The following METTL8 variants were observed in gnomAD, a reference collection of about 807,000 sequenced individuals.
METTL8 encodes the protein methyltransferase 8, tRNA N3-cytidine, also known as tRNA N(3)-cytidine methyltransferase METTL8, mitochondrial.
Under a neutral mutation model 48.7 loss-of-function variants are expected in METTL8, and 32 were observed. The observed-to-expected ratio is 0.66, with a 90% CI of 0.50 to 0.88. The LOEUF (loss-of-function observed/expected upper bound fraction) is 0.88, where lower values mean the gene tolerates loss of function less well. Among genes scored for constraint, METTL8 ranks in the 40% least tolerant of loss-of-function variants. The pLI, the probability that METTL8 is intolerant of heterozygous loss-of-function variation, is 0.00. For missense variants in METTL8, 464 were observed against 474.4 expected (o/e 0.98, Z 0.20); for synonymous variants, 136 against 157.1 (o/e 0.87, Z 1.01).
At chr2:171,380,654 A>G (rs180855049) in intron 2 of METTL8, among the ~76,000 whole-genome samples, 1 of 152,266 alleles carries the variant, frequency 6.6e-6, no homozygotes, top group East Asian at 1.9e-4. Flanking sequence ...CACAACTGCT[A>G]CAAAGAAAAT....
In METTL8 at chr2:171,317,949, T is replaced by G. The variant is rs1362322360; in HGVS notation, c.*6223A>C. The G allele has an allele frequency of 6.6e-6, 1 of 152,254 alleles. No homozygotes were observed. The highest frequency in any genetic ancestry group is 2.4e-5 in the African/African-American group (1 of 41,464). The allele number at this position is 152,254 out of a possible 1,614,324, so 9.4% of individuals were successfully genotyped here. On this transcript the variant is annotated 3_prime_UTR_variant, in exon 10 of 10. Transcript: ENST00000375258. ...TGCAGGTGCACTTGCTTTTTCAATC[T>G]GATGCTATTTTTCTTACCCTCTGTA...
intron 3 of METTL8, among the ~76,000 whole-genome samples, chr2:171,357,670 A>G (rs140864687): frequency 2.6e-3 from 392 of 152,172 alleles, no homozygotes; most frequent in African/African-American, 8.5e-3. Flanking sequence ...TCACAGAAAT[A>G]GAGCACAAAA....
At position 171,331,014 on chromosome 2, in the gene METTL8, A is replaced by G. The variant is rs930994036; in HGVS notation, c.721-316T>C. On this transcript the variant is annotated intron_variant, in intron 6 of 9. Coordinates refer to ENST00000375258, the MANE Select transcript of METTL8 (RefSeq NM_001321154.2). The stretch of plus-strand genomic sequence containing the variant: ...CTCTGGGTTGCTGTTTCTGAACTTA[A>G]AGAGGTTCTGTTTGGACTACGATTA... 2.6e-5 allele frequency among the ~76,000 whole-genome samples: 4 copies of G among 152,168 alleles called. No homozygotes were observed. In the East Asian group the frequency reaches 7.7e-4, roughly 29 times the overall value.
chr2:171,403,971 C>A (rs749272150), intron 1 of METTL8, among the ~76,000 whole-genome samples: 6 of 146,292 alleles, frequency 4.1e-5, no homozygotes, highest in Non-Finnish European at 9.0e-5. Flanking sequence ...CTCATCCTGT[C>A]TGCAGGGGAT....
In METTL8 at chr2:171,326,158, C is replaced by A. The variant is rs990873951; in HGVS notation, c.861-10G>T. The A allele has an allele frequency of 7.0e-7, 1 of 1,429,808 alleles. No individual in the cohort carries two copies. The highest frequency in any genetic ancestry group is 9.6e-7 in the Non-Finnish European group (1 of 1,043,950). 88.6% of individuals were successfully genotyped at this position (1,429,808 alleles called of 1,614,324 possible). ...TACAACACCTTGCATCCTTTGGAAACAAAGTATTAAAAAGATACCCAGTTT... is the reference window on the plus strand; with the variant it reads ...TACAACACCTTGCATCCTTTGGAAAAAAAGTATTAAAAAGATACCCAGTTT... On this transcript the variant is annotated splice_polypyrimidine_tract_variant and intron_variant, in intron 7 of 9. Coordinates refer to ENST00000375258, the MANE Select transcript of METTL8 (RefSeq NM_001321154.2).
At chr2:171,333,387 C>T (rs1016331918) in intron 5 of METTL8, among the ~76,000 whole-genome samples, 5 of 152,112 alleles carry the variant, frequency 3.3e-5, no homozygotes, top group Non-Finnish European at 7.4e-5. Context: ...AGTGAGCCAC[C>T]GCACCTGGCC....
intron 3 of METTL8, among the ~76,000 whole-genome samples, chr2:171,355,363 G>GT (rs1253687375): frequency 6.6e-6 from 1 of 151,812 alleles, no homozygotes; most frequent in Non-Finnish European, 1.5e-5. Flanking sequence ...TCCGTATGAG[G>GT]TGTCAGTCAG....
chr2:171,348,272 C>T (rs1440773293), intron 3 of METTL8, among the ~76,000 whole-genome samples: 1 of 152,110 alleles, frequency 6.6e-6, no homozygotes, highest in Non-Finnish European at 1.5e-5. Flanking sequence ...GGGTTGGAAA[C>T]CTTTTTCTGT....
chr2:171,318,821 G>A lies in METTL8; in HGVS notation c.*5351C>T, dbSNP rs1002188113. ...CCTGGTGCCTTTCCCAGCAGCATTT[G>A]GGCCCATCCATTACAAGAGCAGCAA... On this transcript the variant is annotated 3_prime_UTR_variant, in exon 10 of 10. Transcript: ENST00000375258. The A allele has an allele frequency of 2.0e-5, 3 of 151,660 alleles. No homozygotes were observed. The South Asian group carries it at 6.3e-4, about 32-fold the overall frequency. The allele number at this position is 151,660 out of a possible 1,614,324, so 9.4% of individuals were successfully genotyped here. A position where few individuals can be genotyped will look rare whatever the true frequency, so the allele number is the denominator to read the frequency against.
intron 2 of METTL8, among the ~76,000 whole-genome samples, chr2:171,391,778 T>C (rs1688602366): frequency 6.6e-6 from 1 of 151,948 alleles, no homozygotes; most frequent in East Asian, 1.9e-4. Context: ...AGCAGGCAAA[T>C]CAGGATCAGA....
At chr2:171,424,830 T>C (rs965509740) in intron 1 of METTL8, among the ~76,000 whole-genome samples, 1 of 152,216 alleles carries the variant, frequency 6.6e-6, no homozygotes, top group African/African-American at 2.4e-5. Flanking sequence ...GATTGTGTTC[T>C]GAAATGTGAG....
chr2:171,372,476 C>A (rs1040612493), intron 2 of METTL8, among the ~76,000 whole-genome samples: 3 of 151,550 alleles, frequency 2.0e-5, no homozygotes, highest in African/African-American at 7.3e-5. Flanking sequence ...ACAATAATTT[C>A]TTTTTATTAT....
chr2:171,352,263 T>A (rs1357176811), intron 3 of METTL8, among the ~76,000 whole-genome samples: 1 of 152,222 alleles, frequency 6.6e-6, no homozygotes, highest in Non-Finnish European at 1.5e-5. Flanking sequence ...TGGATTACGT[T>A]TATGGATTTG....
chr2:171,406,297 A>G (rs1469420949), intron 1 of METTL8, among the ~76,000 whole-genome samples: 1 of 152,240 alleles, frequency 6.6e-6, no homozygotes, highest in Non-Finnish European at 1.5e-5. Flanking sequence ...GGTATGAAAG[A>G]GGAAGCACCT....
intron 3 of METTL8, among the ~76,000 whole-genome samples, chr2:171,357,325 T>C (rs1307335279): frequency 6.6e-6 from 1 of 152,098 alleles, no homozygotes; most frequent in African/African-American, 2.4e-5. Context: ...ACTGATACAT[T>C]TAGTAAAATT....
intron 1 of METTL8, among the ~76,000 whole-genome samples, chr2:171,425,127 G>A (rs1692271147): frequency 6.6e-6 from 1 of 152,146 alleles, no homozygotes; most frequent in Admixed American, 6.5e-5. Flanking sequence ...CTTCTGCCAT[G>A]ACTGTAAGTT....
chr2:171,380,629 G>A (rs1431688042), intron 2 of METTL8, among the ~76,000 whole-genome samples: 1 of 152,110 alleles, frequency 6.6e-6, no homozygotes, highest in Non-Finnish European at 1.5e-5. Context: ...GCCAAATCAT[G>A]AATGAACTAC....
chr2:171,332,845 G>C (rs1216298918), intron 5 of METTL8: 4 of 152,158 alleles, frequency 2.6e-5, no homozygotes, highest in Admixed American at 1.3e-4. Context: ...GAGGAGAAGG[G>C]GAAATGGTTG....
chr2:171,417,783 C>T (rs765212330), intron 1 of METTL8, among the ~76,000 whole-genome samples: 1 of 152,106 alleles, frequency 6.6e-6, no homozygotes, highest in Admixed American at 6.5e-5. Context: ...TATAGTTTCC[C>T]CCACTATTAA....
Sources: allele counts gnomAD v4.1 joint callset (sites outside exome capture counted in the v4.1 genomes callset), GRCh38; gene constraint gnomAD v4.1.1; transcripts MANE v1.5; gene names NCBI Gene and HGNC (gene_info 2026-07-23, HGNC 2026-07-21).